The following EYA3 variants were observed in gnomAD, a reference collection of about 807,000 sequenced individuals.
The protein encoded by EYA3 is EYA transcriptional coactivator and phosphatase 3.
A neutral mutation model predicts 80.0 loss-of-function variants in EYA3; 39 were observed. The ratio of observed to expected loss-of-function variants is 0.49; its 90% CI spans 0.38 to 0.64. The LOEUF is 0.64. Among genes scored for constraint, EYA3 ranks in the 30% least tolerant of loss-of-function variants. The pLI, the probability that EYA3 is intolerant of heterozygous loss-of-function variation, is 0.00. For missense variants in EYA3, 523 were observed against 676.1 expected (o/e 0.77, Z 2.51); for synonymous variants, 206 against 232.8 (o/e 0.88, Z 1.05).
chr1:28,033,043 A>G (rs1248776859), intron 6 of EYA3, among the ~76,000 whole-genome samples: 1 of 152,220 alleles, frequency 6.6e-6, no homozygotes, highest in Non-Finnish European at 1.5e-5. Flanking sequence ...TACAGCGTGA[A>G]ATACTTATTC....
rs1457193503 is a variant in EYA3, at chr1:27,974,249, T to C, written c.*217A>G. ...TGATTGTGTTCTCGCCAGCATTCCATGGATAAAGACAGAGAGAGAGAGAGA... is the reference window on the plus strand; with the variant it reads ...TGATTGTGTTCTCGCCAGCATTCCACGGATAAAGACAGAGAGAGAGAGAGA... On this transcript the variant is annotated 3_prime_UTR_variant, in exon 18 of 18. Transcript: ENST00000373871. The C allele has an allele frequency of 1.4e-5, 5 of 353,438 alleles. No individual in the cohort carries two copies. The highest frequency in any genetic ancestry group is 1.3e-4 in the East Asian group (3 of 22,532). The allele number at this position is 353,438 out of a possible 1,614,324, so 21.9% of individuals were successfully genotyped here. A position where few individuals can be genotyped will look rare whatever the true frequency, so the allele number is the denominator to read the frequency against.
Position 28,015,454 on chromosome 1 carries a change from G to C in EYA3, c.585+1700C>G, listed in dbSNP as rs139899544. 6.9e-3 allele frequency among the ~76,000 whole-genome samples: 1,045 copies of C among 152,254 alleles called. 5 individuals are homozygous for C. The highest frequency in any genetic ancestry group is 0.01 in the Non-Finnish European group (712 of 68,006). On this transcript the variant is annotated intron_variant, in intron 8 of 17. Transcript: ENST00000373871. The stretch of plus-strand genomic sequence containing the variant: ...AAAAGAAGGAGAATGGCGTGAACCC[G>C]GGAGGCGGAGCTTGCAGTGAGCAGA...
In EYA3 at chr1:28,038,867, C is replaced by T. The variant is rs1178670689; in HGVS notation, c.196G>A (p.Asp66Asn). Residue 66 changes from aspartate (D) to asparagine (N), a missense_variant, in exon 5 of 18, where the codon GAT becomes AAT. Asp to Asn is a conservative substitution (Grantham distance 23). Around this residue, in one of 2 missense-constraint regions of EYA3, gnomAD observed 304 missense variants for 343.3 expected, o/e 0.89. Coordinates refer to ENST00000373871, the MANE Select transcript of EYA3 (RefSeq NM_001990.4). ...GCAGAATACATTTGTGAGGTATAAT[C>T]ATTGGATGAGCGAGGGATGTAATCG... ...CTDYIPRSSN[D>N]YTSQMYSAKP... The T allele has an allele frequency of 5.0e-6, 8 of 1,599,116 alleles. No homozygotes were observed. The highest frequency in any genetic ancestry group is 1.3e-5 in the African/African-American group (1 of 74,662).
At chr1:28,038,693 G>A (rs1050693214) in intron 5 of EYA3, 146 bp downstream of exon 5, 4 of 492,184 alleles carry the variant, frequency 8.1e-6, no homozygotes, top group Non-Finnish European at 1.4e-5. Context: ...ACTATATTTA[G>A]AGGGAATTAA....
intron 1 of EYA3, among the ~76,000 whole-genome samples, chr1:28,063,301 A>C (rs894200133): frequency 1.8e-5 from 2 of 114,046 alleles, no homozygotes; most frequent in East Asian, 5.7e-4. Flanking sequence ...TTATATATAT[A>C]TATATTTTTT....
intron 3 of EYA3, among the ~76,000 whole-genome samples, chr1:28,043,327 T>C (rs12030121): frequency 0.23 from 26,062 of 112,524 alleles, 2,881 homozygotes; most frequent in East Asian, 0.33. Context: ...TTTGCTTTTT[T>C]GTGAAAAAAA....
intron 6 of EYA3, among the ~76,000 whole-genome samples, 175 bp downstream of exon 6, chr1:28,035,369 T>C (rs1214280430): frequency 6.6e-6 from 1 of 152,172 alleles, no homozygotes; most frequent in Admixed American, 6.5e-5. Flanking sequence ...AATAGCTAAA[T>C]GAGTACTGAA....
intron 7 of EYA3, among the ~76,000 whole-genome samples, chr1:28,024,158 A>T (rs1642630178): frequency 6.6e-6 from 1 of 151,726 alleles, no homozygotes; most frequent in Non-Finnish European, 1.5e-5. Flanking sequence ...AGATGCGCTT[A>T]AACTCGGGAG....
chr1:28,018,198 AAAAAAAGAAAAG>A (rs1642198876), intron 7 of EYA3, among the ~76,000 whole-genome samples: 1 of 152,180 alleles, frequency 6.6e-6, no homozygotes, highest in Non-Finnish European at 1.5e-5. Flanking sequence ...TCTGTCTCAA[AAAAAAAGAAAAG>A]AAAAAAGAAA....
chr1:28,082,125 A>G (rs1645452036), intron 1 of EYA3, among the ~76,000 whole-genome samples: 19 of 152,164 alleles, frequency 1.2e-4, no homozygotes, highest in Admixed American at 1.2e-3. Flanking sequence ...CTATAAAAAA[A>G]CAGTATACTT....
At chr1:27,994,913 T>C (rs1314418240) in intron 13 of EYA3, among the ~76,000 whole-genome samples, 1 of 151,182 alleles carries the variant, frequency 6.6e-6, no homozygotes, top group Non-Finnish European at 1.5e-5. Context: ...TTGGGAACTA[T>C]GATTGCACCA....
At chr1:28,029,952 T>C (rs1252101749) in intron 6 of EYA3, among the ~76,000 whole-genome samples, 4 of 152,130 alleles carry the variant, frequency 2.6e-5, no homozygotes, top group Non-Finnish European at 5.9e-5. Flanking sequence ...GTTACTGGGT[T>C]AGTGTAGTTG....
At chr1:28,025,371 T>C (rs928976401) in intron 7 of EYA3, among the ~76,000 whole-genome samples, 2 of 152,066 alleles carry the variant, frequency 1.3e-5, no homozygotes, top group Non-Finnish European at 2.9e-5. Context: ...TATGGGAGAG[T>C]TGATATTGAT....
At chr1:28,004,302 G>A (rs1641112677) in intron 11 of EYA3, 34 bp downstream of exon 11, 2 of 1,454,886 alleles carry the variant, frequency 1.4e-6, no homozygotes, top group East Asian at 2.3e-5. Context: ...ATAGTCAGAA[G>A]AGGGACAGTT....
intron 1 of EYA3, among the ~76,000 whole-genome samples, chr1:28,084,809 G>C (rs1054765184): frequency 6.6e-6 from 1 of 150,542 alleles, no homozygotes; most frequent in Non-Finnish European, 1.5e-5. Context: ...GGGTTTCACC[G>C]TGTTGCCCAG....
chr1:28,013,182 G>T lies in EYA3; in HGVS notation c.698C>A (p.Ala233Glu). 6.2e-7 allele frequency: 1 copy of T among 1,614,138 alleles called. No individual in the cohort carries two copies. Among genetic ancestry groups the T allele is most frequent in the Non-Finnish European group, 8.5e-7 (1 of 1,180,012 alleles). Residue 233 changes from alanine to glutamate, a missense_variant, in exon 9 of 18, where the codon GCA becomes GAA. Coordinates refer to ENST00000373871, the MANE Select transcript of EYA3 (RefSeq NM_001990.4). This position sits in a 1 kb window ranked among gnomAD's most constrained non-coding sequence, Gnocchi z 4.0. ...TNSDAESTTL[A>E]ATTYQSEKPS... is the part of the protein sequence containing the mutation. ...CTTCTCCGACTGGTATGTGGTTGCT[G>T]CTAATGTGGTGCTCTCTGCATCACT... is the stretch of plus-strand genomic sequence containing the variant.
chr1:28,006,069 C>A (rs950793154), intron 10 of EYA3, among the ~76,000 whole-genome samples: 1 of 151,494 alleles, frequency 6.6e-6, no homozygotes. Context: ...TGTGCCACTG[C>A]ACTCCAGTGT....
intron 16 of EYA3, among the ~76,000 whole-genome samples, chr1:27,981,458 T>C (rs983651917): frequency 6.6e-6 from 1 of 152,156 alleles, no homozygotes; most frequent in Admixed American, 6.6e-5. Flanking sequence ...TGGGTTCCTA[T>C]GATATACATA....
chr1:28,071,518 A>G (rs1328920494), intron 1 of EYA3, among the ~76,000 whole-genome samples: 1 of 152,212 alleles, frequency 6.6e-6, no homozygotes, highest in Non-Finnish European at 1.5e-5. Flanking sequence ...ACACATCATA[A>G]TATGGTACTA....
Sources: allele counts gnomAD v4.1 joint callset (sites outside exome capture counted in the v4.1 genomes callset), GRCh38; gene constraint gnomAD v4.1.1; regional missense constraint gnomAD v4.1.1; non-coding constraint Gnocchi (gnomAD v3.1); transcripts MANE v1.5; gene names NCBI Gene and HGNC (gene_info 2026-07-23, HGNC 2026-07-21).